Variants in PDE7A observed in about 807,000 individuals in gnomAD.
The protein encoded by PDE7A is phosphodiesterase 7A.
Under a neutral mutation model 64.3 loss-of-function variants are expected in PDE7A, and 39 were observed. The ratio of observed to expected loss-of-function variants is 0.61; its 90% CI spans 0.47 to 0.79. The LOEUF is 0.79. Among genes scored for constraint, PDE7A ranks in the 30% least tolerant of loss-of-function variants. The pLI is 0.00. For synonymous variants in PDE7A, 203 were observed against 206.8 expected (o/e 0.98, Z 0.16); for missense variants, 470 against 582.8 (o/e 0.81, Z 1.99).
intron 1 of PDE7A, among the ~76,000 whole-genome samples, chr8:65,831,938 T>TTA (rs937090421): frequency 1.3e-5 from 2 of 152,228 alleles, no homozygotes; most frequent in Non-Finnish European, 2.9e-5. Context: ...TAAAAATAAC[T>TTA]TATAATTTCA....
chr8:65,824,953 T>C (rs1810633991), intron 1 of PDE7A, among the ~76,000 whole-genome samples: 1 of 152,152 alleles, frequency 6.6e-6, no homozygotes, highest in South Asian at 2.1e-4. Flanking sequence ...ATATTACAAG[T>C]TTAATATTTA....
chr8:65,730,193 T>TTTTTTTTTTTTTC (rs1321443430), intron 7 of PDE7A, among the ~76,000 whole-genome samples: 13 of 137,074 alleles, frequency 9.5e-5, no homozygotes, highest in African/African-American at 3.5e-4. Context: ...TTTTTTTTTT[T>TTTTTTTTTTTTTC]TTTTGAGATG....
At chr8:65,817,431 G>T (rs1319753374) in intron 1 of PDE7A, among the ~76,000 whole-genome samples, 21 of 144,088 alleles carry the variant, frequency 1.5e-4, no homozygotes, top group Non-Finnish European at 1.5e-5. Flanking sequence ...TTCCATTGGT[G>T]CAACAAAACA....
chr8:65,778,715 G>C (rs964777099), intron 3 of PDE7A, among the ~76,000 whole-genome samples: 2 of 152,176 alleles, frequency 1.3e-5, no homozygotes, highest in Non-Finnish European at 2.9e-5. Flanking sequence ...CTCTGCCTAG[G>C]ACATGTCCCA....
chr8:65,795,257 G>A (rs768470621), intron 1 of PDE7A, among the ~76,000 whole-genome samples: 1 of 152,190 alleles, frequency 6.6e-6, no homozygotes, highest in Non-Finnish European at 1.5e-5. Flanking sequence ...CATTGCCCAG[G>A]CTCCTTCCTA....
intron 1 of PDE7A, among the ~76,000 whole-genome samples, chr8:65,791,915 C>T (rs138022613): frequency 4.0e-4 from 61 of 152,090 alleles, no homozygotes; most frequent in African/African-American, 1.4e-3. Context: ...CTTAGTACTA[C>T]TTATCTTGGT....
chr8:65,734,323 C>G (rs1807032501), intron 7 of PDE7A, among the ~76,000 whole-genome samples: 1 of 152,204 alleles, frequency 6.6e-6, no homozygotes, highest in Non-Finnish European at 1.5e-5. Context: ...ATCCACATCC[C>G]TACTTCACCA....
chr8:65,720,792 A>C (rs1453352895), intron 12 of PDE7A, among the ~76,000 whole-genome samples: 1 of 152,220 alleles, frequency 6.6e-6, no homozygotes, highest in Non-Finnish European at 1.5e-5. Context: ...CATTATAGTC[A>C]AAGCACACAG....
At chr8:65,806,460 A>C (rs1162658163) in intron 1 of PDE7A, among the ~76,000 whole-genome samples, 2 of 152,222 alleles carry the variant, frequency 1.3e-5, no homozygotes, top group African/African-American at 2.4e-5. Flanking sequence ...TTTGTGAATA[A>C]ACTAAAAACC....
At chr8:65,827,693 C>A (rs915898647) in intron 1 of PDE7A, among the ~76,000 whole-genome samples, 2 of 152,094 alleles carry the variant, frequency 1.3e-5, no homozygotes, top group African/African-American at 2.4e-5. Flanking sequence ...TGCACAAATA[C>A]CATTGTGTTA....
intron 1 of PDE7A, among the ~76,000 whole-genome samples, chr8:65,837,876 G>C (rs996401117): frequency 6.6e-6 from 1 of 152,068 alleles, no homozygotes; most frequent in Non-Finnish European, 1.5e-5. Flanking sequence ...GGCTGTCTCC[G>C]TGTCGGCACT....
chr8:65,755,854 C>T (rs1029136802), intron 3 of PDE7A, among the ~76,000 whole-genome samples: 3 of 152,164 alleles, frequency 2.0e-5, no homozygotes, highest in African/African-American at 7.2e-5. Context: ...AACTCCTGAG[C>T]TCAAGAGATC....
intron 1 of PDE7A, among the ~76,000 whole-genome samples, chr8:65,829,809 A>G (rs1364446744): frequency 6.6e-6 from 1 of 152,126 alleles, no homozygotes; most frequent in African/African-American, 2.4e-5. Flanking sequence ...AAAAAAAATG[A>G]CAGATGAATA....
chr8:65,814,918 C>T (rs181072010), intron 1 of PDE7A, among the ~76,000 whole-genome samples: 1 of 151,944 alleles, frequency 6.6e-6, no homozygotes, highest in Admixed American at 6.5e-5. Context: ...CCCGTTTCTA[C>T]TAAAATACAA....
chr8:65,794,675 A>G (rs978378369), intron 1 of PDE7A, among the ~76,000 whole-genome samples: 1 of 152,230 alleles, frequency 6.6e-6, no homozygotes, highest in African/African-American at 2.4e-5. Flanking sequence ...GTACTATTTC[A>G]TCTCCACATA....
At chr8:65,767,264 C>T (rs1808837045) in intron 3 of PDE7A, among the ~76,000 whole-genome samples, 1 of 152,158 alleles carries the variant, frequency 6.6e-6, no homozygotes, top group Admixed American at 6.5e-5. Flanking sequence ...CAATGACCAG[C>T]ATAGTATGAA....
intron 5 of PDE7A, among the ~76,000 whole-genome samples, chr8:65,741,907 C>G (rs17396066): frequency 0.039 from 5,979 of 152,216 alleles, 175 homozygotes; most frequent in Non-Finnish European, 0.06. Context: ...GGAATTCAGG[C>G]AAAGTGCAGT....
At chr8:65,838,898 T>A (rs1811011862) in intron 1 of PDE7A, 2 of 152,244 alleles carry the variant, frequency 1.3e-5, no homozygotes, top group South Asian at 4.1e-4. Context: ...TTTAAGACGA[T>A]CTCCAAATCA....
chr8:65,824,623 T>C (rs1007919749), intron 1 of PDE7A, among the ~76,000 whole-genome samples: 2 of 152,176 alleles, frequency 1.3e-5, no homozygotes, highest in Non-Finnish European at 2.9e-5. Context: ...ACCCCCACCC[T>C]GATCAGTCAG....
Sources: allele counts gnomAD v4.1 joint callset (sites outside exome capture counted in the v4.1 genomes callset), GRCh38; gene constraint gnomAD v4.1.1; transcripts MANE v1.5; gene names NCBI Gene and HGNC (gene_info 2026-07-23, HGNC 2026-07-21).